LSAMP: variants seen among roughly 807,000 people sequenced by gnomAD.
The protein encoded by LSAMP is limbic system associated membrane protein.
In LSAMP, 7 loss-of-function variants were observed where a neutral mutation model predicts 38.6. The observed-to-expected ratio is 0.18, with a 90% CI of 0.10 to 0.34. The LOEUF (loss-of-function observed/expected upper bound fraction) is 0.34, where lower values mean the gene tolerates loss of function less well. Ranked by LOEUF, LSAMP falls within the 10% of genes least tolerant of loss-of-function variation. The pLI, the probability that LSAMP is intolerant of heterozygous loss-of-function variation, is 1.00. For synonymous variants in LSAMP, 154 were observed against 166.8 expected (o/e 0.92, Z 0.59); for missense variants, 313 against 420.0 (o/e 0.75, Z 2.23).
intron 3 of LSAMP, among the ~76,000 whole-genome samples, chr3:115,913,132 G>A (rs1937169885): frequency 6.6e-6 from 1 of 152,134 alleles, no homozygotes; most frequent in African/African-American, 2.4e-5. Flanking sequence ...ATTTTAATAT[G>A]CTCTTCAAAG....
At chr3:116,210,268 C>T (rs1326919565) in intron 1 of LSAMP, among the ~76,000 whole-genome samples, 3 of 152,002 alleles carry the variant, frequency 2.0e-5, no homozygotes, top group Non-Finnish European at 4.4e-5. Flanking sequence ...GAGGGTGTTG[C>T]CAAGGGAGTT....
At chr3:116,074,844 CT>C (rs1161460100) in intron 2 of LSAMP, among the ~76,000 whole-genome samples, 197 of 128,360 alleles carry the variant, frequency 1.5e-3, no homozygotes, top group East Asian at 6.8e-3. Context: ...TTTCTTTATT[CT>C]TTTTTTTTTT....
At chr3:116,103,451 T>C (rs139126135) in intron 1 of LSAMP, among the ~76,000 whole-genome samples, 1,353 of 119,952 alleles carry the variant, frequency 0.011, 20 homozygotes, top group African/African-American at 0.042. Flanking sequence ...GGTGACAGAG[T>C]GAGACTCCTT....
At chr3:115,898,256 C>G (rs1260430136) in intron 3 of LSAMP, among the ~76,000 whole-genome samples, 1 of 152,068 alleles carries the variant, frequency 6.6e-6, no homozygotes, top group African/African-American at 2.4e-5. Context: ...AGATATTTTT[C>G]AACTGTAGGA....
At chr3:116,333,104 G>A (rs1256171849) in intron 1 of LSAMP, among the ~76,000 whole-genome samples, 1 of 151,856 alleles carries the variant, frequency 6.6e-6, no homozygotes, top group Non-Finnish European at 1.5e-5. Context: ...AGAAAATATA[G>A]GACCTAACAC....
At chr3:115,815,021 G>A (rs552859789) in intron 6 of LSAMP, among the ~76,000 whole-genome samples, 1 of 152,258 alleles carries the variant, frequency 6.6e-6, no homozygotes, top group South Asian at 2.1e-4. Flanking sequence ...ATGAACTGGG[G>A]ATTAAAGCTC....
chr3:115,974,838 G>A (rs1939133363), intron 3 of LSAMP, among the ~76,000 whole-genome samples: 1 of 152,154 alleles, frequency 6.6e-6, no homozygotes, highest in South Asian at 2.1e-4. Flanking sequence ...GGTGGTTAAG[G>A]AGGGAGGTGG....
At chr3:116,201,710 C>A (rs62269221) in intron 1 of LSAMP, among the ~76,000 whole-genome samples, 7,358 of 152,238 alleles carry the variant, frequency 0.048, 277 homozygotes, top group Non-Finnish European at 0.07. Flanking sequence ...ATAGAACCAG[C>A]TGAAGCTGTT....
At chr3:115,883,614 A>G (rs963870707) in intron 3 of LSAMP, among the ~76,000 whole-genome samples, 25 of 152,212 alleles carry the variant, frequency 1.6e-4, no homozygotes, top group African/African-American at 5.5e-4. Flanking sequence ...ATCAGGTTCA[A>G]GTTGTAACTG....
At chr3:116,060,386 G>T (rs951811682) in intron 2 of LSAMP, among the ~76,000 whole-genome samples, 22 of 152,012 alleles carry the variant, frequency 1.4e-4, no homozygotes, top group African/African-American at 7.2e-5. Context: ...TAATGAATAG[G>T]TAGTTTCAAA....
chr3:116,151,745 C>G (rs1381715991), intron 1 of LSAMP, among the ~76,000 whole-genome samples: 3 of 151,986 alleles, frequency 2.0e-5, no homozygotes, highest in East Asian at 1.9e-4. Context: ...CTCAAAGGAG[C>G]AGGTCCTCAA....
chr3:115,995,399 G>C (rs772811729), intron 3 of LSAMP, among the ~76,000 whole-genome samples: 8 of 152,062 alleles, frequency 5.3e-5, no homozygotes, highest in Non-Finnish European at 1.0e-4. Flanking sequence ...TCAGGATCTA[G>C]AATACTGCAT....
In LSAMP at chr3:116,124,217, C is replaced by T. The variant is rs528663338; in HGVS notation, c.156-37661G>A. Among the ~76,000 whole-genome samples, 5 of 152,200 alleles carry T rather than the reference C, an allele frequency of 3.3e-5. No homozygotes were observed. The East Asian group carries it at 7.7e-4, about 23-fold the overall frequency. ...TTCTCATTTTTTGAGTTGTGGATGG[C>T]CCACAAATGTTGTAAAAATTTTTTC... On this transcript the variant is annotated intron_variant, in intron 1 of 6. Transcript: ENST00000490035.
At chr3:116,235,640 A>G (rs1252919465) in intron 1 of LSAMP, among the ~76,000 whole-genome samples, 12 of 152,196 alleles carry the variant, frequency 7.9e-5, no homozygotes, top group Non-Finnish European at 1.5e-4. Flanking sequence ...TTGTCATTCA[A>G]TTTTTCAGGC....
intron 1 of LSAMP, among the ~76,000 whole-genome samples, chr3:116,110,421 A>C (rs2107469323): frequency 6.6e-6 from 1 of 152,284 alleles, no homozygotes; most frequent in African/African-American, 2.4e-5. Flanking sequence ...ATAATCAGAG[A>C]GGCTTCCCTG....
intron 1 of LSAMP, among the ~76,000 whole-genome samples, chr3:116,427,106 TTTC>T (rs1295354918): frequency 3.7e-5 from 4 of 107,118 alleles, no homozygotes; most frequent in African/African-American, 3.8e-5. Flanking sequence ...CAGCTCTTTC[TTTC>T]TTTTTTTTTT....
chr3:115,807,328 A>G lies in LSAMP; in HGVS notation c.*2989T>C, dbSNP rs1443448142. On this transcript the variant is annotated 3_prime_UTR_variant, in exon 7 of 7. Coordinates refer to ENST00000490035, the MANE Select transcript of LSAMP (RefSeq NM_002338.5). ...CTGGGGACAATGTTTTCTCTGAAAC[A>G]GGAACCAGAAGCAAATTTTTAAAAT... is the stretch of plus-strand genomic sequence containing the variant. The G allele has an allele frequency of 6.6e-6, 1 of 152,226 alleles. No individual in the cohort carries two copies. Among genetic ancestry groups the G allele is most frequent in the Non-Finnish European group, 1.5e-5 (1 of 68,046 alleles). 9.4% of individuals were successfully genotyped at this position (152,226 alleles called of 1,614,324 possible). A position where few individuals can be genotyped will look rare whatever the true frequency, so the allele number is the denominator to read the frequency against.
At chr3:116,327,471 T>A (rs2047789197) in intron 1 of LSAMP, among the ~76,000 whole-genome samples, 1 of 152,184 alleles carries the variant, frequency 6.6e-6, no homozygotes, top group Admixed American at 6.5e-5. Context: ...AAATCTCTGT[T>A]ATATGACACT....
intron 3 of LSAMP, among the ~76,000 whole-genome samples, chr3:115,904,406 C>T (rs1271884896): frequency 2.0e-5 from 3 of 151,862 alleles, no homozygotes; most frequent in African/African-American, 7.3e-5. Flanking sequence ...CAAATCTTCC[C>T]ACAAAGAAAA....
Sources: gnomAD v4.1 joint callset for allele counts (sites outside exome capture counted in the v4.1 genomes callset) on GRCh38, gnomAD v4.1.1 for gene constraint, MANE v1.5 for transcripts, NCBI Gene and HGNC (gene_info 2026-07-23, HGNC 2026-07-21) for gene names.